MDGA2: variants seen among roughly 807,000 people sequenced by gnomAD.
MDGA2 encodes MAM domain-containing glycosylphosphatidylinositol anchor protein 2.
In MDGA2, 40 loss-of-function variants were observed where a neutral mutation model predicts 117.8. The observed-to-expected ratio is 0.34, with a 90% confidence interval of 0.26 to 0.44. MDGA2 has a LOEUF of 0.44. MDGA2 is among the 20% of genes least tolerant of loss of function. The probability of loss-of-function intolerance (pLI) is 1.00; values close to 1 mark genes in which losing one functional copy is unlikely to be tolerated. For missense variants in MDGA2, 1,123 were observed against 1,250.6 expected (o/e 0.90, Z 1.54); for synonymous variants, 452 against 439.0 (o/e 1.03, Z -0.37).
chr14:47,133,163 A>C (rs1882290550), intron 4 of MDGA2, among the ~76,000 whole-genome samples: 1 of 151,736 alleles, frequency 6.6e-6, no homozygotes, highest in African/African-American at 2.4e-5. Flanking sequence ...TTTGTTTAGA[A>C]GAAACACTGA....
chr14:47,198,128 A>C (rs374181744), intron 3 of MDGA2, among the ~76,000 whole-genome samples: 11 of 152,344 alleles, frequency 7.2e-5, no homozygotes, highest in African/African-American at 2.6e-4. Flanking sequence ...ATGAGCAATA[A>C]GTGTATTGTC....
chr14:47,547,375 C>T (rs1380095434), intron 1 of MDGA2, among the ~76,000 whole-genome samples: 1 of 152,202 alleles, frequency 6.6e-6, no homozygotes, highest in Non-Finnish European at 1.5e-5. Context: ...TTTTGTATCA[C>T]TGTTGGTGCT....
chr14:47,628,509 T>C (rs1387206624), intron 1 of MDGA2, among the ~76,000 whole-genome samples: 1 of 152,214 alleles, frequency 6.6e-6, no homozygotes, highest in East Asian at 1.9e-4. Context: ...TATGTAACTT[T>C]GTAACACTAA....
chr14:47,456,990 A>C (rs2138583055), intron 1 of MDGA2, among the ~76,000 whole-genome samples: 1 of 152,310 alleles, frequency 6.6e-6, no homozygotes. Flanking sequence ...GATCTTTAGA[A>C]CCAAAGCTGA....
At chr14:47,632,498 T>C (rs771779772) in intron 1 of MDGA2, among the ~76,000 whole-genome samples, 7 of 152,280 alleles carry the variant, frequency 4.6e-5, no homozygotes, top group African/African-American at 7.2e-5. Context: ...ATGAGAAACA[T>C]TGTAAAAAGC....
chr14:47,003,552 T>A (rs1887607611), intron 8 of MDGA2, among the ~76,000 whole-genome samples: 1 of 152,126 alleles, frequency 6.6e-6, no homozygotes, highest in Non-Finnish European at 1.5e-5. Flanking sequence ...ATTGCATTTC[T>A]CTGATGAGTA....
intron 3 of MDGA2, among the ~76,000 whole-genome samples, chr14:47,179,829 C>G (rs187010308): frequency 1.3e-5 from 2 of 152,164 alleles, no homozygotes; most frequent in Admixed American, 1.3e-4. Flanking sequence ...CTGAATTATT[C>G]TATTTTTTAT....
intron 6 of MDGA2, among the ~76,000 whole-genome samples, chr14:47,081,051 G>C (rs899735006): frequency 7.2e-5 from 11 of 151,960 alleles, no homozygotes; most frequent in African/African-American, 2.7e-4. Flanking sequence ...CAGTATACCA[G>C]CAGCATTATT....
chr14:47,479,242 C>T (rs1158857790), intron 1 of MDGA2, among the ~76,000 whole-genome samples: 1 of 151,888 alleles, frequency 6.6e-6, no homozygotes, highest in Non-Finnish European at 1.5e-5. Flanking sequence ...AGGCCTAAAT[C>T]ACTTCAAAAG....
intron 1 of MDGA2, among the ~76,000 whole-genome samples, chr14:47,440,043 T>G (rs1892974541): frequency 6.6e-6 from 1 of 152,054 alleles, no homozygotes; most frequent in African/African-American, 2.4e-5. Flanking sequence ...GTGCCAAGAT[T>G]CTCAGCAGAA....
At chr14:46,890,636 A>G (rs902505182) in intron 10 of MDGA2, among the ~76,000 whole-genome samples, 2 of 152,056 alleles carry the variant, frequency 1.3e-5, no homozygotes, top group Admixed American at 1.3e-4. Flanking sequence ...CACCTATCTT[A>G]GTGAGCCACT....
chr14:46,970,849 T>TA (rs1347944772), intron 8 of MDGA2, among the ~76,000 whole-genome samples: 1 of 151,816 alleles, frequency 6.6e-6, no homozygotes, highest in Non-Finnish European at 1.5e-5. Flanking sequence ...AATAATTTTT[T>TA]AAAAATCTCA....
At chr14:47,443,915 C>T (rs1404974639) in intron 1 of MDGA2, among the ~76,000 whole-genome samples, 2 of 152,170 alleles carry the variant, frequency 1.3e-5, no homozygotes, top group Non-Finnish European at 2.9e-5. Flanking sequence ...ACTTTTCCTT[C>T]CTACATAGGT....
At chr14:47,465,490 A>C (rs543378700) in intron 1 of MDGA2, among the ~76,000 whole-genome samples, 114 of 152,294 alleles carry the variant, frequency 7.5e-4, no homozygotes, top group African/African-American at 2.6e-3. Flanking sequence ...AAGAAAAAAA[A>C]CAAACAACCC....
intron 8 of MDGA2, among the ~76,000 whole-genome samples, chr14:46,969,927 G>C (rs1455147106): frequency 9.2e-6 from 1 of 108,444 alleles, no homozygotes; most frequent in African/African-American, 3.7e-5. Flanking sequence ...AGAACTTAAA[G>C]TATTCCATAT....
intron 2 of MDGA2, among the ~76,000 whole-genome samples, chr14:47,219,471 A>T (rs1253158339): frequency 6.6e-6 from 1 of 152,040 alleles, no homozygotes; most frequent in East Asian, 1.9e-4. Flanking sequence ...ATAATTTCTG[A>T]TTTCCAGTAG....
intron 2 of MDGA2, among the ~76,000 whole-genome samples, chr14:47,274,071 C>T (rs1194841499): frequency 6.6e-6 from 1 of 152,042 alleles, no homozygotes. Context: ...ACTGAAATTT[C>T]ATTCATACCA....
At chr14:47,388,772 AGG>A (rs1027360819) in intron 1 of MDGA2, among the ~76,000 whole-genome samples, 1 of 152,164 alleles carries the variant, frequency 6.6e-6, no homozygotes, top group African/African-American at 2.4e-5. Flanking sequence ...AGAGAAGCCT[AGG>A]GAGGAGGATA....
At chr14:47,270,665 G>A (rs1214502277) in intron 2 of MDGA2, among the ~76,000 whole-genome samples, 1 of 152,036 alleles carries the variant, frequency 6.6e-6, no homozygotes, top group Non-Finnish European at 1.5e-5. Context: ...TACAGTGATG[G>A]AAAAATACAA....
Sources: allele counts gnomAD v4.1 joint callset (sites outside exome capture counted in the v4.1 genomes callset), GRCh38; gene constraint gnomAD v4.1.1; transcripts MANE v1.5; gene names NCBI Gene and HGNC (gene_info 2026-07-23, HGNC 2026-07-21).